Variants in GABRA5 observed in about 807,000 individuals in gnomAD.
GABRA5 encodes the protein gamma-aminobutyric acid receptor subunit alpha-5.
A neutral mutation model predicts 47.3 loss-of-function variants in GABRA5; 18 were observed. The ratio of observed to expected loss-of-function variants is 0.38; its 90% CI spans 0.26 to 0.56. GABRA5 has a LOEUF of 0.56. GABRA5 is among the 20% of genes least tolerant of loss of function. The pLI is 0.71. For missense variants in GABRA5, 365 were observed against 599.3 expected, an observed-to-expected ratio of 0.61 and a Z score of 4.08; for synonymous variants, 237 against 229.3, an observed-to-expected ratio of 1.03 and a Z score of -0.30.
rs775948242 is a variant in GABRA5 at position 26,943,433 on chromosome 15, A to T, written c.1089+7A>T. On this transcript the variant is annotated splice_region_variant and intron_variant, in intron 10 of 10. Coordinates refer to ENST00000335625, the MANE Select transcript of GABRA5 (RefSeq NM_000810.4). ...GGAAGCAGCCAAGATCAAGGTACTG[A>T]CTATTTCTCCTCCTTTCTTCCAGGT... 2 of 1,575,520 alleles carry T rather than the reference A, an allele frequency of 1.3e-6. No homozygotes were observed. The highest frequency in any genetic ancestry group is 8.6e-7 in the Non-Finnish European group (1 of 1,159,644).
chr15:26,939,099 A>C, intron 8 of GABRA5: 2 of 677,560 alleles, frequency 3.0e-6, no homozygotes, highest in Non-Finnish European at 5.3e-6. Context: ...ATTCAGCCAA[A>C]GTTTTTTGAA....
rs1239229250 is a variant in GABRA5 at position 26,880,954 on chromosome 15, G to T, written c.195G>T (p.Arg65=). ...TGGATGGCTACGACAACAGACTTCG[G>T]CCCGGGCTGGGAGGTGAGTGTGCTC... ...GLLDGYDNRL[R]PGLGERITQV... The change falls in exon 4 of 11, where the codon CGG becomes CGT. Residue 65 remains arginine (R), a synonymous_variant. Transcript: ENST00000335625. The T allele has an allele frequency of 3.1e-6, 5 of 1,613,890 alleles. No homozygotes were observed. The highest frequency in any genetic ancestry group is 4.2e-6 in the Non-Finnish European group (5 of 1,179,856).
chr15:26,892,553 T>C (rs893429195), intron 6 of GABRA5, among the ~76,000 whole-genome samples: 12 of 152,362 alleles, frequency 7.9e-5, no homozygotes, highest in African/African-American at 2.6e-4. Context: ...ACGGAGGCGA[T>C]TTTTCTAGAG....
intron 6 of GABRA5, among the ~76,000 whole-genome samples, chr15:26,895,392 G>C (rs1893157580): frequency 1.3e-5 from 2 of 152,236 alleles, no homozygotes; most frequent in South Asian, 4.1e-4. Flanking sequence ...TGCCTGTGCA[G>C]GCTCTGCCAC....
intron 3 of GABRA5, among the ~76,000 whole-genome samples, chr15:26,870,949 T>C (rs28525997): frequency 0.47 from 71,443 of 151,924 alleles, 17,049 homozygotes; most frequent in East Asian, 0.55. Context: ...CCCAGCACTT[T>C]GGGAGGCCAA....
chr15:26,922,781 G>T (rs1323845802), intron 7 of GABRA5, among the ~76,000 whole-genome samples: 1 of 152,158 alleles, frequency 6.6e-6, no homozygotes, highest in Non-Finnish European at 1.5e-5. Context: ...TAATTAAAGA[G>T]ACAAGGTCTT....
At chr15:26,877,770 C>A (rs1444841787) in intron 3 of GABRA5, 1 of 415,454 alleles carries the variant, frequency 2.4e-6, no homozygotes, top group South Asian at 1.7e-5. Context: ...AATATGCATT[C>A]AATATAAGGA....
At chr15:26,933,332 G>C (rs1221045816) in intron 7 of GABRA5, among the ~76,000 whole-genome samples, 4 of 152,176 alleles carry the variant, frequency 2.6e-5, no homozygotes, top group Non-Finnish European at 4.4e-5. Context: ...AGATGACTTG[G>C]GAAATACTGT....
chr15:26,939,649 G>A (rs144327208), intron 8 of GABRA5: 2 of 598,322 alleles, frequency 3.3e-6, no homozygotes, highest in Admixed American at 5.9e-5. Context: ...GGCACAGATT[G>A]TGACTGGAGA....
intron 7 of GABRA5, among the ~76,000 whole-genome samples, chr15:26,932,604 C>G (rs1269737873): frequency 6.6e-6 from 1 of 152,122 alleles, no homozygotes; most frequent in African/African-American, 2.4e-5. Context: ...ACCTGGCAAT[C>G]CCATAACTGG....
At chr15:26,877,753 T>G (rs1566863765) in intron 3 of GABRA5, 1 of 448,394 alleles carries the variant, frequency 2.2e-6, no homozygotes, top group Non-Finnish European at 4.5e-6. Flanking sequence ...GGACATGTTT[T>G]GTAGAGAATA....
intron 6 of GABRA5, among the ~76,000 whole-genome samples, chr15:26,901,872 A>G (rs1893335520): frequency 6.6e-6 from 1 of 152,174 alleles, no homozygotes; most frequent in Non-Finnish European, 1.5e-5. Flanking sequence ...ATACATGTGC[A>G]TGCCCATTTG....
chr15:26,931,805 G>A (rs1217217622), intron 7 of GABRA5, among the ~76,000 whole-genome samples: 1 of 152,202 alleles, frequency 6.6e-6, no homozygotes, highest in Non-Finnish European at 1.5e-5. Flanking sequence ...CCGATCAGTT[G>A]TCAAGATATT....
At chr15:26,875,754 T>C (rs917114389) in intron 3 of GABRA5, among the ~76,000 whole-genome samples, 2 of 152,004 alleles carry the variant, frequency 1.3e-5, no homozygotes, top group African/African-American at 4.8e-5. Flanking sequence ...CCGAAAGTGC[T>C]ATAGGCCATG....
rs1358256040 is a variant in GABRA5 at position 26,869,282 on chromosome 15, A to G, written c.34A>G (p.Ile12Val). Residue 12 changes from isoleucine (I) to valine (V), a missense_variant, in exon 3 of 11, where the codon ATC becomes GTC. Transcript: ENST00000335625. Reference protein sequence around the residue: ...DNGMFSGFIMIKNLLLFCISM... With the variant: ...DNGMFSGFIMVKNLLLFCISM... Reference sequence around the variant, plus strand: ...TGGAATGTTCTCTGGTTTTATCATGATCAAAAACCTCCTTCTCTTTTGTAT... The same window carrying G: ...TGGAATGTTCTCTGGTTTTATCATGGTCAAAAACCTCCTTCTCTTTTGTAT... The G allele has an allele frequency of 6.2e-7, 1 of 1,609,218 alleles. No homozygotes were observed. Among genetic ancestry groups the G allele is most frequent in the South Asian group, 1.1e-5 (1 of 90,968 alleles).
chr15:26,907,524 T>A (rs1353612394), intron 6 of GABRA5, among the ~76,000 whole-genome samples: 1 of 152,156 alleles, frequency 6.6e-6, no homozygotes, highest in African/African-American at 2.4e-5. Context: ...AAGGTAAAGA[T>A]CCTTAGGAGG....
intron 7 of GABRA5, among the ~76,000 whole-genome samples, chr15:26,920,398 T>G (rs889459708): frequency 1.3e-5 from 2 of 152,072 alleles, no homozygotes; most frequent in Admixed American, 6.6e-5. Flanking sequence ...GTTGAATCCC[T>G]CTGAGGAATT....
intron 6 of GABRA5, among the ~76,000 whole-genome samples, chr15:26,913,056 C>T (rs1043049165): frequency 1.3e-5 from 2 of 151,734 alleles, no homozygotes; most frequent in African/African-American, 4.8e-5. Flanking sequence ...TGGTGTCAGG[C>T]GTCTATAATC....
At chr15:26,924,774 G>A (rs1304808891) in intron 7 of GABRA5, among the ~76,000 whole-genome samples, 1 of 152,138 alleles carries the variant, frequency 6.6e-6, no homozygotes, top group Non-Finnish European at 1.5e-5. Context: ...TGTCCTACTA[G>A]GTTGCACCCT....
Sources: allele counts gnomAD v4.1 joint callset (sites outside exome capture counted in the v4.1 genomes callset), GRCh38; gene constraint gnomAD v4.1.1; transcripts MANE v1.5; gene names NCBI Gene and HGNC (gene_info 2026-07-23, HGNC 2026-07-21).